The following RET variants were observed in gnomAD, a reference collection of about 807,000 sequenced individuals.
The protein encoded by RET is proto-oncogene tyrosine-protein kinase receptor Ret.
RET carries 19 observed loss-of-function variants against 118.3 expected under a neutral mutation model. The ratio of observed to expected loss-of-function variants is 0.16; its 90% CI spans 0.11 to 0.24. RET has a LOEUF of 0.24. Ranked by LOEUF, RET falls within the 10% of genes least tolerant of loss-of-function variation. RET has a pLI of 1.00. For synonymous variants in RET, 597 were observed against 644.1 expected (o/e 0.93, Z 1.11); for missense variants, 1,219 against 1,502.1 (o/e 0.81, Z 3.12).
In RET at chr10:43,119,531, G is replaced by T; in HGVS notation, c.2393G>T (p.Gly798Val). The T allele has an allele frequency of 1.3e-6, 2 of 1,594,868 alleles. No individual in the cohort carries two copies. The highest frequency in any genetic ancestry group is 1.7e-6 in the Non-Finnish European group (2 of 1,173,864). ...CAGGGCCCCCTCTCTCCGCCCCCAGGCCCGCTCCTCCTCATCGTGGAGTAC... is the reference window on the plus strand; with the variant it reads ...CAGGGCCCCCTCTCTCCGCCCCCAGTCCCGCTCCTCCTCATCGTGGAGTAC... ...IKLYGACSQD[G>V]PLLLIVEYAK... is the part of the protein sequence containing the mutation. Residue 798 changes from glycine to valine, a missense_variant and splice_region_variant, in exon 14 of 20, where the codon GGC becomes GTC. Coordinates refer to ENST00000355710, the MANE Select transcript of RET (RefSeq NM_020975.6).
intron 1 of RET, among the ~76,000 whole-genome samples, chr10:43,086,530 G>C (rs1418040967): frequency 6.6e-6 from 1 of 152,228 alleles, no homozygotes; most frequent in African/African-American, 2.4e-5. Flanking sequence ...CGTTGCCCCA[G>C]GCCAGGGCCA....
intron 19 of RET, 34 bp downstream of exon 19, chr10:43,126,756 A>T: frequency 6.2e-7 from 1 of 1,611,460 alleles, no homozygotes; most frequent in Non-Finnish European, 8.5e-7. Flanking sequence ...AGATTCTAGC[A>T]CCGCTGTCCC....
At chr10:43,102,653 G>C (rs771785904) in intron 3 of RET, 24 bp downstream of exon 3, 14 of 1,613,010 alleles carry the variant, frequency 8.7e-6, no homozygotes, top group African/African-American at 1.3e-5. Context: ...TTGTGGGGCC[G>C]CCCCACAGTG....
In RET at chr10:43,100,918, G is replaced by A. The variant is rs115330432; in HGVS notation, c.337+196G>A. On this transcript the variant is annotated intron_variant, in intron 2 of 19. Coordinates refer to ENST00000355710, the MANE Select transcript of RET (RefSeq NM_020975.6). ...AAGCCAGGACAAGCTTCAGGGCTGC[G>A]TGAGGCTGTAGGAGTTTGGAGACAC... Among the ~76,000 whole-genome samples, 975 of 152,338 alleles carry A rather than the reference G, an allele frequency of 6.4e-3. 10 individuals carry two copies. The highest frequency in any genetic ancestry group is 0.022 in the African/African-American group (926 of 41,572).
intron 13 of RET, 102 bp downstream of exon 13, chr10:43,118,582 C>T: frequency 1.2e-6 from 1 of 869,314 alleles, no homozygotes; most frequent in Non-Finnish European, 1.9e-6. Context: ...CTGCTCCTGC[C>T]CTGTTTCCTG....
chr10:43,121,827 G>C (rs1042524967), intron 15 of RET, 119 bp from the exon 16 acceptor site: 1 of 783,374 alleles, frequency 1.3e-6, no homozygotes, highest in African/African-American at 1.7e-5. Flanking sequence ...GTGCCCAGGA[G>C]TGTCTACAGC....
chr10:43,109,805 GATGAGGC>G (rs1016836655), intron 6 of RET, among the ~76,000 whole-genome samples: 6 of 152,236 alleles, frequency 3.9e-5, no homozygotes, highest in African/African-American at 7.2e-5. Flanking sequence ...CATTAAAGAA[GATGAGGC>G]ATGAGGCATG....
Position 43,128,148 on chromosome 10 carries a change from T to C in RET, c.3224T>C (p.Val1075Ala), listed in dbSNP as rs751191202. The change falls in exon 20 of 20, where the codon GTA (valine) becomes GCA (alanine). Residue 1075 changes from valine (V) to alanine (A), a missense_variant. Physicochemically the swap from Val to Ala is moderately conservative, Grantham distance 64. Around this residue, in one of 5 missense-constraint regions of RET, gnomAD observed 174 missense variants for 179.3 expected, o/e 0.97. Transcript: ENST00000355710. ...SDPNWPGESP[V>A]PLTRADGTNT... ...CCGAACTGGCCTGGAGAGAGTCCTG[T>C]ACCACTCACGAGAGCTGATGGCACT... 2 of 1,614,094 alleles carry C rather than the reference T, an allele frequency of 1.2e-6. No homozygotes were observed. The highest frequency in any genetic ancestry group is 2.2e-5 in the South Asian group (2 of 91,090).
chr10:43,106,664 C>A lies in RET; in HGVS notation c.1063+93C>A. ...AGCAGCACCCTACACACATGCACAC[C>A]TGGCATGGCCCTCTGTGGCCCAAGC... On this transcript the variant is annotated intron_variant, in intron 5 of 19. Coordinates refer to ENST00000355710, the MANE Select transcript of RET (RefSeq NM_020975.6). The surrounding 1 kb of genome is among the most constrained non-coding windows in gnomAD (Gnocchi z 5.1). The A allele has an allele frequency of 1.2e-5, 16 of 1,306,562 alleles. No individual in the cohort carries two copies. The highest frequency in any genetic ancestry group is 1.7e-5 in the Non-Finnish European group (16 of 930,206). The allele number at this position is 1,306,562 out of a possible 1,614,324, so 80.9% of individuals were successfully genotyped here.
At position 43,128,198 on chromosome 10, in the gene RET, A is replaced by C; in HGVS notation, c.3274A>C (p.Asn1092His). ...TAACACTGGGTTTCCAAGATATCCA[A>C]ATGATAGTGTATATGCTAACTGGAT... The part of the protein sequence containing the change: ...GTNTGFPRYP[N>H]DSVYANWMLS... The change falls in exon 20 of 20, where the codon AAT (asparagine) becomes CAT (histidine). Residue 1092 changes from asparagine (N) to histidine (H), a missense_variant. Physicochemically the swap from Asn to His is moderately conservative, Grantham distance 68 (BLOSUM62 1). Around this residue, in one of 5 missense-constraint regions of RET, gnomAD observed 174 missense variants for 179.3 expected, o/e 0.97. Coordinates refer to ENST00000355710, the MANE Select transcript of RET (RefSeq NM_020975.6). 6.2e-7 allele frequency: 1 copy of C among 1,614,212 alleles called. No homozygotes were observed. The highest frequency in any genetic ancestry group is 8.5e-7 in the Non-Finnish European group (1 of 1,180,038).
At position 43,104,947 on chromosome 10, in the gene RET, C is replaced by T. The variant is rs945104794; in HGVS notation, c.626-5C>T. ...ACGCGGGGCCCCTGTCTGCTTGGTG[C>T]GCAGGTGAGGGTCTGCCCTTCCGCT... is the stretch of plus-strand genomic sequence containing the variant. On this transcript the variant is annotated splice_region_variant and splice_polypyrimidine_tract_variant and intron_variant, in intron 3 of 19. Transcript: ENST00000355710. The T allele has an allele frequency of 1.9e-6, 3 of 1,558,714 alleles. No homozygotes were observed. Among genetic ancestry groups the T allele is most frequent in the African/African-American group, 1.3e-5 (1 of 74,290 alleles).
rs1838412108 is a variant in RET at position 43,129,896 on chromosome 10, G to A, written c.*1627G>A. 2 of 398,386 alleles carry A rather than the reference G, an allele frequency of 5.0e-6. No homozygotes were observed. The highest frequency in any genetic ancestry group is 4.1e-5 in the African/African-American group (2 of 48,594). 24.7% of individuals were successfully genotyped at this position (398,386 alleles called of 1,614,324 possible). A position where few individuals can be genotyped will look rare whatever the true frequency, so the allele number is the denominator to read the frequency against. On this transcript the variant is annotated 3_prime_UTR_variant, in exon 20 of 20. Transcript: ENST00000355710. ...ATAAGTTCTTTTACAAATATCTATA[G>A]ACATGGTAAACTTTTGGTTTTCAGA... is the stretch of plus-strand genomic sequence containing the variant.
chr10:43,127,427 C>CTTTT, intron 19 of RET: 9 of 1,057,316 alleles, frequency 8.5e-6, no homozygotes, highest in Non-Finnish European at 1.0e-5. Context: ...GTCTGTGGTG[C>CTTTT]TGTGGTCTTA....
chr10:43,086,818 G>C (rs944681576), intron 1 of RET, among the ~76,000 whole-genome samples: 4 of 152,266 alleles, frequency 2.6e-5, no homozygotes, highest in Non-Finnish European at 5.9e-5. Context: ...GCTGGTCTGG[G>C]TATGGAAGTG....
rs907797426 is a variant in RET at position 43,106,160 on chromosome 10, G to A, written c.868-216G>A. ...TCTGCATTGTACCTGTTACACAGGC[G>A]AGGCTCAGTGGCTCAGGGAAGGTGA... On this transcript the variant is annotated intron_variant, in intron 4 of 19. Coordinates refer to ENST00000355710, the MANE Select transcript of RET (RefSeq NM_020975.6). The surrounding 1 kb of genome is among the most constrained non-coding windows in gnomAD (Gnocchi z 5.1). Among the ~76,000 whole-genome samples the A allele has an allele frequency of 1.3e-5, 2 of 152,198 alleles. No individual in the cohort carries two copies. Among genetic ancestry groups the A allele is most frequent in the Non-Finnish European group, 2.9e-5 (2 of 68,030 alleles).
chr10:43,093,278 G>A (rs1026856816), intron 1 of RET, among the ~76,000 whole-genome samples: 1 of 152,144 alleles, frequency 6.6e-6, no homozygotes, highest in South Asian at 2.1e-4. Context: ...TGCCTGTCCT[G>A]CCCAGCATGT....
At position 43,128,767 on chromosome 10, in the gene RET, G is replaced by T. The variant is rs771336993; in HGVS notation, c.*498G>T. 50 of 287,564 alleles carry T rather than the reference G, an allele frequency of 1.7e-4. No homozygotes were observed. Among genetic ancestry groups the T allele is most frequent in the Middle Eastern group, 9.9e-4 (1 of 1,006 alleles). The allele number at this position is 287,564 out of a possible 1,614,324, so 17.8% of individuals were successfully genotyped here. On this transcript the variant is annotated 3_prime_UTR_variant, in exon 20 of 20. Coordinates refer to ENST00000355710, the MANE Select transcript of RET (RefSeq NM_020975.6). ...ATTCAGAATGAGAGACTGCGGGGGG[G>T]GCCTGGGGGTAGTGTCAATGCCCCT...
At chr10:43,117,455 A>G (rs1838098953) in intron 12 of RET, among the ~76,000 whole-genome samples, 1 of 152,100 alleles carries the variant, frequency 6.6e-6, no homozygotes, top group Admixed American at 6.6e-5. Context: ...GGCTGCCCAC[A>G]CCTGGTCCAA....
At chr10:43,082,733 C>G (rs1042958271) in intron 1 of RET, among the ~76,000 whole-genome samples, 2 of 152,224 alleles carry the variant, frequency 1.3e-5, no homozygotes, top group Admixed American at 1.3e-4. Flanking sequence ...CCTTGTGTGC[C>G]TGTGACTCCA....
Sources: allele counts gnomAD v4.1 joint callset (sites outside exome capture counted in the v4.1 genomes callset), GRCh38; gene constraint gnomAD v4.1.1; regional missense constraint gnomAD v4.1.1; non-coding constraint Gnocchi (gnomAD v3.1); transcripts MANE v1.5; gene names NCBI Gene and HGNC (gene_info 2026-07-23, HGNC 2026-07-21).